The following ATP10B variants were observed in gnomAD, a reference collection of about 807,000 sequenced individuals.
ATP10B encodes ATPase phospholipid transporting 10B (putative).
A neutral mutation model predicts 141.2 loss-of-function variants in ATP10B; 122 were observed. That is an observed-to-expected ratio of 0.86 (90% CI 0.75 to 1.00). The LOEUF (loss-of-function observed/expected upper bound fraction) is 1.00. ATP10B is among the 50% of genes least tolerant of loss of function. The pLI is 0.00. For missense variants in ATP10B, 1,876 were observed against 1,825.3 expected (o/e 1.03, Z -0.51); for synonymous variants, 685 against 692.0 (o/e 0.99, Z 0.16).
intron 2 of ATP10B, among the ~76,000 whole-genome samples, chr5:160,742,731 G>C (rs747708882): frequency 3.3e-5 from 5 of 152,160 alleles, no homozygotes; most frequent in Non-Finnish European, 5.9e-5. Context: ...GAAAAGAAGG[G>C]AAGAGTTGTT....
the ATP10B span, among the ~76,000 whole-genome samples, chr5:160,887,968 A>G: frequency 3.9e-5 from 6 of 152,356 alleles, no homozygotes; most frequent in African/African-American, 1.2e-4. Flanking sequence ...TCTTTGGTTC[A>G]CTGCAAAAAT....
chr5:160,848,006 C>T (rs545616014), intron 1 of ATP10B, among the ~76,000 whole-genome samples: 33 of 152,250 alleles, frequency 2.2e-4, no homozygotes, highest in African/African-American at 7.7e-4. Context: ...AATATTATCC[C>T]TGCACACTCC....
chr5:160,886,847 A>G, the ATP10B span, among the ~76,000 whole-genome samples: 2 of 152,214 alleles, frequency 1.3e-5, no homozygotes, highest in Non-Finnish European at 2.9e-5. Flanking sequence ...TGTAAAGCAC[A>G]AGGCACATTT....
chr5:160,671,837 G>A (rs1762725262), intron 6 of ATP10B, among the ~76,000 whole-genome samples: 1 of 152,006 alleles, frequency 6.6e-6, no homozygotes, highest in Admixed American at 6.6e-5. Context: ...CAAAAACAGA[G>A]CTGGAACCTG....
chr5:160,652,655 T>C (rs1178327276), intron 7 of ATP10B, among the ~76,000 whole-genome samples: 1 of 134,722 alleles, frequency 7.4e-6, no homozygotes, highest in Non-Finnish European at 1.5e-5. Context: ...AAATTATATA[T>C]GTATATATTA....
intron 1 of ATP10B, among the ~76,000 whole-genome samples, chr5:160,818,907 C>A (rs769430355): frequency 1.2e-4 from 18 of 152,078 alleles, no homozygotes; most frequent in Non-Finnish European, 2.4e-4. Context: ...GGACAAAAAA[C>A]CAAATACCAC....
chr5:160,832,198 G>A (rs929933007), intron 1 of ATP10B, among the ~76,000 whole-genome samples: 3 of 151,798 alleles, frequency 2.0e-5, no homozygotes, highest in African/African-American at 7.3e-5. Context: ...CTTCAAACTG[G>A]CAATTTTACC....
intron 1 of ATP10B, among the ~76,000 whole-genome samples, chr5:160,820,069 C>CA (rs1332835482): frequency 2.7e-5 from 4 of 150,026 alleles, no homozygotes; most frequent in African/African-American, 9.8e-5. Context: ...GAAAACAGTA[C>CA]AAAAATCAAC....
At chr5:160,895,017 C>T in the ATP10B span, among the ~76,000 whole-genome samples, 2 of 152,132 alleles carry the variant, frequency 1.3e-5, no homozygotes, top group African/African-American at 2.4e-5. Context: ...GAGATTTTGT[C>T]ACTACCAGGA....
the ATP10B span, among the ~76,000 whole-genome samples, chr5:160,874,351 C>A: frequency 6.6e-6 from 1 of 152,128 alleles, no homozygotes; most frequent in Admixed American, 6.5e-5. Flanking sequence ...AACTAACAAA[C>A]AGAAAGGACA....
At chr5:160,674,270 T>C (rs1262269642) in intron 6 of ATP10B, among the ~76,000 whole-genome samples, 1 of 152,230 alleles carries the variant, frequency 6.6e-6, no homozygotes, top group Non-Finnish European at 1.5e-5. Context: ...ACACTGAATC[T>C]CATTCTCCCC....
intron 2 of ATP10B, among the ~76,000 whole-genome samples, chr5:160,724,864 C>T (rs1194974607): frequency 6.6e-6 from 1 of 152,168 alleles, no homozygotes; most frequent in African/African-American, 2.4e-5. Context: ...GTCCTCCTTC[C>T]TTGCATTTTT....
chr5:160,779,109 C>G (rs1344682503), intron 2 of ATP10B, among the ~76,000 whole-genome samples: 2 of 152,086 alleles, frequency 1.3e-5, no homozygotes, highest in African/African-American at 4.8e-5. Flanking sequence ...CCAACCTGGC[C>G]CTAGCAGTGA....
At chr5:160,715,688 C>CTTTATTTA (rs68128776) in intron 3 of ATP10B, among the ~76,000 whole-genome samples, 86,110 of 141,360 alleles carry the variant, frequency 0.61, 27,462 homozygotes, top group South Asian at 0.7. Context: ...ATTTAGCTTG[C>CTTTATTTA]TTTATTTATT....
At position 160,607,109 on chromosome 5, in the gene ATP10B, A is replaced by T; in HGVS notation, c.2839-23T>A. ...CTCCTATAAAGAAGCATAATAATAC[A>T]GTATTTGTAAGCAACCTTGGAAATG... On this transcript the variant is annotated intron_variant, in intron 18 of 25. Transcript: ENST00000327245. 5 of 1,576,012 alleles carry T rather than the reference A, an allele frequency of 3.2e-6. 1 individual carries two copies. The Middle Eastern group carries it at 5.1e-4, about 160-fold the overall frequency.
At chr5:160,662,504 T>A in intron 7 of ATP10B, among the ~76,000 whole-genome samples, 1 of 151,862 alleles carries the variant, frequency 6.6e-6, no homozygotes, top group Non-Finnish European at 1.5e-5. Context: ...TATCTACAAC[T>A]ATCTGATCTT....
intron 3 of ATP10B, among the ~76,000 whole-genome samples, chr5:160,708,622 G>C (rs1052772501): frequency 8.5e-5 from 13 of 152,212 alleles, no homozygotes; most frequent in Admixed American, 7.9e-4. Flanking sequence ...GAATCATGTA[G>C]AGAAGCCTCT....
intron 2 of ATP10B, among the ~76,000 whole-genome samples, chr5:160,737,465 C>T (rs552459612): frequency 3.3e-5 from 5 of 152,200 alleles, no homozygotes; most frequent in South Asian, 2.1e-4. Context: ...AGCTAAATTA[C>T]TTTGTTTGAA....
the ATP10B span, among the ~76,000 whole-genome samples, chr5:160,859,433 T>A: frequency 4.1e-5 from 6 of 145,844 alleles, no homozygotes; most frequent in Non-Finnish European, 6.1e-5. Flanking sequence ...TGGTGTAGAT[T>A]TCTTTGAATT....
Sources: allele counts gnomAD v4.1 joint callset (sites outside exome capture counted in the v4.1 genomes callset), GRCh38; gene constraint gnomAD v4.1.1; transcripts MANE v1.5; gene names NCBI Gene and HGNC (gene_info 2026-07-23, HGNC 2026-07-21).